The following LARGE1 variants were observed in gnomAD, a reference collection of about 807,000 sequenced individuals.
LARGE1 encodes the protein LARGE xylosyl- and glucuronyltransferase 1.
A neutral mutation model predicts 87.6 loss-of-function variants in LARGE1; 43 were observed. The ratio of observed to expected loss-of-function variants is 0.49; its 90% CI spans 0.38 to 0.63. LARGE1 has a LOEUF of 0.63. Among genes scored for constraint, LARGE1 ranks in the 30% least tolerant of loss-of-function variants. LARGE1 has a pLI of 0.00. For synonymous variants in LARGE1, 434 were observed against 394.6 expected (o/e 1.10, Z -1.18); for missense variants, 802 against 1,000.2 (o/e 0.80, Z 2.67).
chr22:33,766,507 C>A (rs1184566129), intron 1 of LARGE1, among the ~76,000 whole-genome samples: 2 of 152,144 alleles, frequency 1.3e-5, no homozygotes, highest in Non-Finnish European at 2.9e-5. Flanking sequence ...CTCACTGCAA[C>A]CTCCGCCTCC....
At chr22:33,676,372 C>CAAAAAAAAAAAAAA (rs10567981) in intron 2 of LARGE1, among the ~76,000 whole-genome samples, 1 of 16,304 alleles carries the variant, frequency 6.1e-5, no homozygotes, top group Admixed American at 1.2e-3. Flanking sequence ...GATTCAATGG[C>CAAAAAAAAAAAAAA]AAAAAAAAAA....
At chr22:33,641,775 G>A (rs552828116) in intron 3 of LARGE1, among the ~76,000 whole-genome samples, 2 of 152,132 alleles carry the variant, frequency 1.3e-5, no homozygotes, top group African/African-American at 2.4e-5. Flanking sequence ...CAAACAGAAG[G>A]ATATCAGAGA....
intron 1 of LARGE1, among the ~76,000 whole-genome samples, chr22:33,860,095 G>GT (rs2063868875): frequency 6.6e-6 from 1 of 151,968 alleles, no homozygotes; most frequent in Non-Finnish European, 1.5e-5. Context: ...CCCAAAAATA[G>GT]TTAAGATGGT....
At chr22:33,915,102 G>A (rs1267250182) in intron 1 of LARGE1, among the ~76,000 whole-genome samples, 3 of 150,982 alleles carry the variant, frequency 2.0e-5, no homozygotes, top group Admixed American at 6.6e-5. Flanking sequence ...TCTGGCTGCT[G>A]TTTCTAAAAA....
At chr22:33,498,966 C>G (rs2070296859) in intron 6 of LARGE1, among the ~76,000 whole-genome samples, 1 of 151,414 alleles carries the variant, frequency 6.6e-6, no homozygotes, top group Non-Finnish European at 1.5e-5. Context: ...AGGGAGATTC[C>G]GTCTCAAAAA....
At chr22:33,732,575 T>G (rs1412885589) in intron 2 of LARGE1, 1 of 152,344 alleles carries the variant, frequency 6.6e-6, no homozygotes, top group Admixed American at 6.5e-5. Flanking sequence ...GACGCTTGGT[T>G]GAGTCACTGA....
chr22:33,198,863 C>T (rs568593246), intron 11 of LARGE1, among the ~76,000 whole-genome samples: 2 of 152,148 alleles, frequency 1.3e-5, no homozygotes, highest in South Asian at 4.1e-4. Context: ...GGGTATATAC[C>T]CAGTAGTGGG....
At chr22:33,082,623 A>G in the LARGE1 span, among the ~76,000 whole-genome samples, 1 of 152,230 alleles carries the variant, frequency 6.6e-6, no homozygotes, top group Admixed American at 6.5e-5. Context: ...AATGGCCTGC[A>G]ATGAAATGAG....
At chr22:33,698,752 A>G (rs1420760083) in intron 2 of LARGE1, among the ~76,000 whole-genome samples, 1 of 151,930 alleles carries the variant, frequency 6.6e-6, no homozygotes, top group African/African-American at 2.4e-5. Flanking sequence ...AGACAAGCAC[A>G]CTCCTGCCAC....
intron 1 of LARGE1, among the ~76,000 whole-genome samples, chr22:33,834,973 C>T (rs2063072564): frequency 6.6e-6 from 1 of 151,782 alleles, no homozygotes; most frequent in Non-Finnish European, 1.5e-5. Context: ...GTTAGCATTT[C>T]CCATGCAGGA....
chr22:33,306,945 C>CAGATAACA (rs1225361853), intron 11 of LARGE1, among the ~76,000 whole-genome samples: 1 of 151,790 alleles, frequency 6.6e-6, no homozygotes, highest in African/African-American at 2.4e-5. Flanking sequence ...TTGAGCTTTA[C>CAGATAACA]AGATAACACA....
At chr22:33,846,485 T>C (rs2063433580) in intron 1 of LARGE1, among the ~76,000 whole-genome samples, 1 of 152,128 alleles carries the variant, frequency 6.6e-6, no homozygotes, top group African/African-American at 2.4e-5. Flanking sequence ...GTTTGAACAA[T>C]ATGAAATCTG....
intron 9 of LARGE1, among the ~76,000 whole-genome samples, chr22:33,354,615 A>G (rs1197568125): frequency 6.6e-6 from 1 of 152,242 alleles, no homozygotes; most frequent in Non-Finnish European, 1.5e-5. Context: ...ATAAATTATC[A>G]AAAGCAAATG....
intron 1 of LARGE1, among the ~76,000 whole-genome samples, chr22:33,807,130 G>A (rs2086337756): frequency 6.6e-6 from 1 of 152,182 alleles, no homozygotes; most frequent in African/African-American, 2.4e-5. Context: ...CCTAGAGACA[G>A]TGTGTCTGTA....
upstream of LARGE1, among the ~76,000 whole-genome samples, chr22:33,920,724 C>A (rs1043206074): frequency 6.9e-6 from 1 of 144,930 alleles, no homozygotes; most frequent in Non-Finnish European, 1.5e-5. Context: ...GGCGGGCGGC[C>A]CCCGCCGCCG....
intron 5 of LARGE1, among the ~76,000 whole-genome samples, chr22:33,598,015 C>T (rs977305128): frequency 2.0e-5 from 3 of 152,150 alleles, no homozygotes; most frequent in African/African-American, 7.2e-5. Flanking sequence ...CCCAGCAGGC[C>T]TTCCATGCAG....
the LARGE1 span, among the ~76,000 whole-genome samples, chr22:33,104,590 A>C: frequency 6.6e-6 from 1 of 152,220 alleles, no homozygotes; most frequent in African/African-American, 2.4e-5. Flanking sequence ...GTGAGCAGAA[A>C]TATGCAAGAG....
At chr22:33,193,785 T>C (rs1226500790) in intron 11 of LARGE1, among the ~76,000 whole-genome samples, 3 of 151,844 alleles carry the variant, frequency 2.0e-5, no homozygotes, top group Non-Finnish European at 4.4e-5. Context: ...GCCATTGCAC[T>C]CCAGCCTGGG....
chr22:33,086,700 A>G, the LARGE1 span, among the ~76,000 whole-genome samples: 5 of 151,668 alleles, frequency 3.3e-5, no homozygotes, highest in South Asian at 1.0e-3. Context: ...TTACAGGCGC[A>G]TGCCACCACA....
Sources: gnomAD v4.1 joint callset for allele counts (sites outside exome capture counted in the v4.1 genomes callset) on GRCh38, gnomAD v4.1.1 for gene constraint, MANE v1.5 for transcripts, NCBI Gene and HGNC (gene_info 2026-07-23, HGNC 2026-07-21) for gene names.